PRKN: variants seen among roughly 807,000 people sequenced by gnomAD.
PRKN encodes E3 ubiquitin-protein ligase parkin.
In PRKN, 56 loss-of-function variants were observed where a neutral mutation model predicts 59.5. The observed-to-expected ratio is 0.94, with a 90% confidence interval of 0.76 to 1.18. PRKN has a LOEUF of 1.18. Ranked by LOEUF, PRKN falls within the 50% of genes most tolerant of loss-of-function variation. PRKN has a pLI of 0.00. For synonymous variants in PRKN, 250 were observed against 222.1 expected, an observed-to-expected ratio of 1.13 and a Z score of -1.12; for missense variants, 657 against 596.4, an observed-to-expected ratio of 1.10 and a Z score of -1.06.
intron 5 of PRKN, among the ~76,000 whole-genome samples, chr6:161,992,345 A>AG (rs1562443148): frequency 2.6e-5 from 4 of 151,964 alleles, no homozygotes; most frequent in South Asian, 2.1e-4. Flanking sequence ...GTCTTTAAAA[A>AG]AGAGAGAGAG....
At position 161,846,420 on chromosome 6, in the gene PRKN, C is replaced by T. The variant is rs1793199843; in HGVS notation, c.735-60512G>A. Reference sequence around the variant, plus strand: ...GCCCTTGAAAGATAATTATTATGCTCTTTATGCAACAGATTTGTTCACTCA... The same window carrying T: ...GCCCTTGAAAGATAATTATTATGCTTTTTATGCAACAGATTTGTTCACTCA... On this transcript the variant is annotated intron_variant, in intron 6 of 11. Coordinates refer to ENST00000366898, the MANE Select transcript of PRKN (RefSeq NM_004562.3). 2.6e-5 allele frequency among the ~76,000 whole-genome samples: 4 copies of T among 152,226 alleles called. No individual in the cohort carries two copies. The South Asian group carries it at 8.3e-4, about 32-fold the overall frequency.
intron 7 of PRKN, among the ~76,000 whole-genome samples, chr6:161,767,186 C>A (rs1400051527): frequency 6.6e-6 from 1 of 152,210 alleles, no homozygotes; most frequent in Non-Finnish European, 1.5e-5. Context: ...GGTCCAAAAA[C>A]AACCTCCAAG....
intron 7 of PRKN, among the ~76,000 whole-genome samples, chr6:161,735,587 G>T (rs991397357): frequency 6.6e-6 from 1 of 152,114 alleles, no homozygotes; most frequent in Non-Finnish European, 1.5e-5. Flanking sequence ...AACACCTAAC[G>T]CCTGTGTTGC....
At chr6:161,627,384 T>C (rs985768530) in intron 7 of PRKN, among the ~76,000 whole-genome samples, 2 of 152,244 alleles carry the variant, frequency 1.3e-5, no homozygotes, top group Non-Finnish European at 2.9e-5. Context: ...CACCATGGAA[T>C]ATGGTACACA....
At chr6:162,283,160 C>T (rs955646713) in intron 2 of PRKN, among the ~76,000 whole-genome samples, 2 of 152,148 alleles carry the variant, frequency 1.3e-5, no homozygotes, top group African/African-American at 4.8e-5. Context: ...CCCTTTCTGG[C>T]TACAAGCTCA....
chr6:161,573,719 CAAAAAAAAAAAAAAAAAAA>C (rs1207463759), intron 7 of PRKN, among the ~76,000 whole-genome samples: 1 of 18,756 alleles, frequency 5.3e-5, no homozygotes, highest in Non-Finnish European at 9.5e-5. Context: ...GACTCCGTCT[CAAAAAAAAAAAAAAAAAAA>C]AAAAAAAAAA....
chr6:161,729,631 T>C (rs1274105547), intron 7 of PRKN, among the ~76,000 whole-genome samples: 2 of 152,220 alleles, frequency 1.3e-5, no homozygotes, highest in Non-Finnish European at 2.9e-5. Context: ...GACTCAGATG[T>C]GATGTGTGTC....
intron 4 of PRKN, among the ~76,000 whole-genome samples, chr6:162,187,477 G>T (rs1193941317): frequency 6.6e-6 from 1 of 152,158 alleles, no homozygotes; most frequent in African/African-American, 2.4e-5. Flanking sequence ...AAATGGCAGT[G>T]CAGGGGAGCA....
chr6:161,932,615 C>G (rs1001687533), intron 6 of PRKN, among the ~76,000 whole-genome samples: 2 of 152,094 alleles, frequency 1.3e-5, no homozygotes, highest in Non-Finnish European at 2.9e-5. Context: ...ATTTTTGCCA[C>G]TTTGCAAAGC....
At chr6:161,859,785 A>G (rs1410151571) in intron 6 of PRKN, among the ~76,000 whole-genome samples, 4 of 152,148 alleles carry the variant, frequency 2.6e-5, no homozygotes, top group African/African-American at 9.7e-5. Context: ...GCCTGAAACT[A>G]TGCCTAAAAC....
At chr6:162,038,125 G>C (rs903297278) in intron 5 of PRKN, among the ~76,000 whole-genome samples, 6 of 151,444 alleles carry the variant, frequency 4.0e-5, no homozygotes, top group South Asian at 2.1e-4. Flanking sequence ...AACTGGTATA[G>C]ATTATTATCT....
chr6:162,312,882 T>C (rs930140663), intron 2 of PRKN, among the ~76,000 whole-genome samples: 59 of 152,158 alleles, frequency 3.9e-4, no homozygotes, highest in African/African-American at 1.3e-3. Flanking sequence ...CTAGTGAAGG[T>C]AATTTTAAAT....
chr6:161,863,854 G>A (rs1382735493), intron 6 of PRKN, among the ~76,000 whole-genome samples: 2 of 152,156 alleles, frequency 1.3e-5, no homozygotes, highest in African/African-American at 4.8e-5. Flanking sequence ...GTTTCCCAGT[G>A]CATATAAAAG....
intron 9 of PRKN, among the ~76,000 whole-genome samples, chr6:161,540,651 A>G (rs1779584110): frequency 6.6e-6 from 1 of 152,210 alleles, no homozygotes; most frequent in Non-Finnish European, 1.5e-5. Flanking sequence ...AAATAAAGCA[A>G]GCCATCTGAA....
chr6:162,011,028 TA>T (rs1335125119), intron 5 of PRKN, among the ~76,000 whole-genome samples: 1 of 12,132 alleles, frequency 8.2e-5, no homozygotes, highest in Non-Finnish European at 1.0e-4. Flanking sequence ...TTATAATATA[TA>T]ATTATAATAT....
At chr6:162,160,818 G>A (rs1444198505) in intron 4 of PRKN, among the ~76,000 whole-genome samples, 3 of 150,050 alleles carry the variant, frequency 2.0e-5, no homozygotes, top group East Asian at 2.0e-4. Flanking sequence ...GTGAACCCGG[G>A]AGGTGGAGCT....
rs902499291 is a variant in PRKN, at chr6:161,468,951, C to T, written c.1083+79903G>A. On this transcript the variant is annotated intron_variant, in intron 9 of 11. Transcript: ENST00000366898. This position sits in a 1 kb window ranked among gnomAD's most constrained non-coding sequence, Gnocchi z 5.9. ...AACTTCCTCCTACTTTAAAACCCAG[C>T]AGTACACAAATGGGCGCTCCCTACA... 2.6e-5 allele frequency among the ~76,000 whole-genome samples: 4 copies of T among 152,188 alleles called. No individual in the cohort carries two copies. Among genetic ancestry groups the T allele is most frequent in the African/African-American group, 9.7e-5 (4 of 41,442 alleles).
In PRKN at chr6:161,417,393, T is replaced by C. The variant is rs1787900278; in HGVS notation, c.1084-30516A>G. ...TGAACCTGGGAGGCGGAGGTTGCAG[T>C]GAGCAGAGATGGCGTCACTGCACTC... On this transcript the variant is annotated intron_variant, in intron 9 of 11. Transcript: ENST00000366898. The surrounding 1 kb of genome is among the most constrained non-coding windows in gnomAD (Gnocchi z 5.4). Among the ~76,000 whole-genome samples, 1 of 145,472 alleles carries C rather than the reference T, an allele frequency of 6.9e-6. No homozygotes were observed. Among genetic ancestry groups the C allele is most frequent in the Non-Finnish European group, 1.5e-5 (1 of 67,310 alleles).
At chr6:161,543,887 A>G (rs149469682) in intron 9 of PRKN, among the ~76,000 whole-genome samples, 1 of 152,318 alleles carries the variant, frequency 6.6e-6, no homozygotes, top group Non-Finnish European at 1.5e-5. Flanking sequence ...CCAGCACTAA[A>G]CACGTCAGCA....
Sources: gnomAD v4.1 joint callset for allele counts (sites outside exome capture counted in the v4.1 genomes callset) on GRCh38, gnomAD v4.1.1 for gene constraint, Gnocchi (gnomAD v3.1) non-coding constraint, MANE v1.5 for transcripts, NCBI Gene and HGNC (gene_info 2026-07-23, HGNC 2026-07-21) for gene names.